Variants in VPS13D observed in about 807,000 individuals in gnomAD.
The protein encoded by VPS13D is vacuolar protein sorting 13 homolog D, also known as intermembrane lipid transfer protein VPS13D.
In VPS13D, 187 loss-of-function variants were observed where a neutral mutation model predicts 461.9. That is an observed-to-expected ratio of 0.40 (90% CI 0.36 to 0.46). VPS13D has a LOEUF of 0.46. Among genes scored for constraint, VPS13D ranks in the 20% least tolerant of loss-of-function variants. VPS13D has a pLI of 0.60. For synonymous variants in VPS13D, 1,951 were observed against 1,986.3 expected, an observed-to-expected ratio of 0.98 and a Z score of 0.47; for missense variants, 4,711 against 5,364.9, an observed-to-expected ratio of 0.88 and a Z score of 3.81.
chr1:12,363,310 T>G, intron 52 of VPS13D, 63 bp downstream of exon 52: 1 of 1,521,594 alleles, frequency 6.6e-7, no homozygotes, highest in Non-Finnish European at 9.0e-7. Context: ...AGTACTGTAA[T>G]AACAAGCCTT....
At chr1:12,398,129 T>G (rs1259264163) in intron 60 of VPS13D, among the ~76,000 whole-genome samples, 1 of 152,218 alleles carries the variant, frequency 6.6e-6, no homozygotes, top group African/African-American at 2.4e-5. Flanking sequence ...GAGAATACAT[T>G]GTAGGAGGAA....
chr1:12,411,616 C>G (rs747330327), intron 63 of VPS13D, among the ~76,000 whole-genome samples: 2 of 152,084 alleles, frequency 1.3e-5, no homozygotes, highest in Admixed American at 6.6e-5. Context: ...TAACAAATGA[C>G]GCCAAATTGC....
At position 12,485,467 on chromosome 1, in the gene VPS13D, C is replaced by T. The variant is rs80265030; in HGVS notation, c.12663-12033C>T. On this transcript the variant is annotated intron_variant, in intron 67 of 69. Coordinates refer to ENST00000620676, the MANE Select transcript of VPS13D (RefSeq NM_015378.4). The stretch of plus-strand genomic sequence containing the variant: ...ATATGGCACAAGAGCCCTTCTGGCC[C>T]GCATCACCCTGTGTACTGATTAGGC... 8.9e-3 allele frequency among the ~76,000 whole-genome samples: 1,352 copies of T among 152,300 alleles called. 10 individuals carry two copies. The highest frequency in any genetic ancestry group is 0.01 in the Non-Finnish European group (714 of 68,024).
chr1:12,466,124 A>C (rs1207448644), intron 67 of VPS13D, among the ~76,000 whole-genome samples: 1 of 149,990 alleles, frequency 6.7e-6, no homozygotes, highest in Admixed American at 6.7e-5. Flanking sequence ...ACAGAGCGAG[A>C]CTCCATCTAA....
intron 24 of VPS13D, among the ~76,000 whole-genome samples, chr1:12,295,277 A>C (rs1642245901): frequency 6.6e-6 from 1 of 152,058 alleles, no homozygotes; most frequent in Admixed American, 6.5e-5. Flanking sequence ...AATTTAATAA[A>C]TAGATACTTT....
chr1:12,257,207 T>A (rs1640950942), intron 9 of VPS13D, 120 bp downstream of exon 9: 1 of 820,294 alleles, frequency 1.2e-6, no homozygotes, highest in East Asian at 2.6e-5. Flanking sequence ...TACAGTTGAT[T>A]TTTCTGGTCC....
At chr1:12,373,639 T>C (rs1644156628) in intron 54 of VPS13D, 111 bp from the exon 55 acceptor site, 14 of 572,344 alleles carry the variant, frequency 2.4e-5, no homozygotes, top group Admixed American at 9.9e-5. Context: ...AATTTTCTTT[T>C]TAATAAAAGT....
At chr1:12,335,310 G>A (rs754329371) in intron 38 of VPS13D, among the ~76,000 whole-genome samples, 7 of 152,142 alleles carry the variant, frequency 4.6e-5, no homozygotes, top group Non-Finnish European at 2.9e-5. Flanking sequence ...CAAGTGATCC[G>A]CCTGCCTGAG....
At chr1:12,323,472 C>G (rs141579061) in intron 34 of VPS13D, among the ~76,000 whole-genome samples, 9 of 152,008 alleles carry the variant, frequency 5.9e-5, no homozygotes, top group Non-Finnish European at 1.0e-4. Context: ...CTTCCCCCCC[C>G]ACCCCAATTC....
intron 54 of VPS13D, among the ~76,000 whole-genome samples, chr1:12,373,346 C>A (rs900092343): frequency 2.0e-5 from 3 of 151,806 alleles, no homozygotes; most frequent in African/African-American, 4.8e-5. Context: ...GTTTCGAACT[C>A]CTGGCTTCAG....
chr1:12,308,432 A>G lies in VPS13D; in HGVS notation c.6441A>G (p.Glu2147=). The change falls in exon 27 of 70, where the codon GAA becomes GAG. Residue 2147 remains glutamate, a splice_region_variant and synonymous_variant. Transcript: ENST00000620676. The part of the protein sequence containing the change: ...LSVGQESSSP[E]DHVCLLDCVV... ...CTCTCTTTCCTTGGGTCCTTGTAGA[A>G]GACCATGTCTGCCTGCTGGATTGCG... is the stretch of plus-strand genomic sequence containing the variant. The G allele has an allele frequency of 6.2e-7, 1 of 1,614,136 alleles. No individual in the cohort carries two copies. Among genetic ancestry groups the G allele is most frequent in the Non-Finnish European group, 8.5e-7 (1 of 1,180,034 alleles).
Position 12,322,047 on chromosome 1 carries a change from A to G in VPS13D, c.7704+83A>G, listed in dbSNP as rs113171634. On this transcript the variant is annotated intron_variant, in intron 33 of 69. Transcript: ENST00000620676. ...GGCACTCTTATTTGCTCTGAGCCCA[A>G]CAACCTCTTTTTTTGTTTTGTTTTG... The G allele has an allele frequency of 6.5e-6, 10 of 1,530,072 alleles. No individual in the cohort carries two copies. In the African/African-American group the frequency reaches 7.0e-5, roughly 11 times the overall value. The allele number at this position is 1,530,072 out of a possible 1,614,324, so 94.8% of individuals were successfully genotyped here.
intron 52 of VPS13D, among the ~76,000 whole-genome samples, 164 bp from the exon 53 acceptor site, chr1:12,368,304 T>G (rs1644067628): frequency 6.6e-6 from 1 of 152,210 alleles, no homozygotes; most frequent in African/African-American, 2.4e-5. Context: ...ATATTACCAA[T>G]TTCTACTTTT....
At position 12,289,068 on chromosome 1, in the gene VPS13D, C is replaced by T. The variant is rs189763548; in HGVS notation, c.5725+755C>T. Among the ~76,000 whole-genome samples, 5 of 152,254 alleles carry T rather than the reference C, an allele frequency of 3.3e-5. No homozygotes were observed. The East Asian group carries it at 9.6e-4, about 29-fold the overall frequency. On this transcript the variant is annotated intron_variant, in intron 22 of 69. Coordinates refer to ENST00000620676, the MANE Select transcript of VPS13D (RefSeq NM_015378.4). ...TGTTGGCCAGGCTATTCTCGAACTCCTGACCTCAAGTCATCCTCCTGCCTC... is the reference window on the plus strand; with the variant it reads ...TGTTGGCCAGGCTATTCTCGAACTCTTGACCTCAAGTCATCCTCCTGCCTC...
intron 35 of VPS13D, among the ~76,000 whole-genome samples, chr1:12,326,321 A>ATTTTTTTT (rs763042688): frequency 1.7e-3 from 86 of 49,266 alleles, no homozygotes; most frequent in African/African-American, 2.8e-3. Flanking sequence ...AACCTTTTGG[A>ATTTTTTTT]TTTTTTTTTT....
chr1:12,340,136 T>C (rs1005180423), intron 40 of VPS13D, among the ~76,000 whole-genome samples: 3 of 152,246 alleles, frequency 2.0e-5, no homozygotes, highest in Non-Finnish European at 4.4e-5. Context: ...CCTCTGCTCT[T>C]GTCAGCAGCC....
intron 65 of VPS13D, among the ~76,000 whole-genome samples, chr1:12,446,868 T>C (rs1241070585): frequency 6.6e-6 from 1 of 152,202 alleles, no homozygotes; most frequent in East Asian, 1.9e-4. Context: ...TACATACTAG[T>C]AATGTAAGCT....
intron 67 of VPS13D, among the ~76,000 whole-genome samples, chr1:12,487,542 T>C (rs138866618): frequency 0.038 from 5,407 of 140,836 alleles, 196 homozygotes; most frequent in Admixed American, 0.12. Flanking sequence ...ACCCAGGAGG[T>C]GGAGGTTGCA....
intron 57 of VPS13D, among the ~76,000 whole-genome samples, chr1:12,381,755 T>G (rs1644274285): frequency 1.3e-5 from 2 of 152,214 alleles, no homozygotes; most frequent in Admixed American, 1.3e-4. Context: ...TCCCTTTCTT[T>G]GTCTATAAAT....
Sources: allele counts gnomAD v4.1 joint callset (sites outside exome capture counted in the v4.1 genomes callset), GRCh38; gene constraint gnomAD v4.1.1; transcripts MANE v1.5; gene names NCBI Gene and HGNC (gene_info 2026-07-23, HGNC 2026-07-21).